CPA4: variants seen among roughly 807,000 people sequenced by gnomAD.
CPA4 encodes the protein carboxypeptidase A4.
A neutral mutation model predicts 54.7 loss-of-function variants in CPA4; 49 were observed. That is an observed-to-expected ratio of 0.90 (90% CI 0.71 to 1.14). CPA4 has a LOEUF of 1.14. Among genes scored for constraint, CPA4 ranks in the 50% most tolerant of loss-of-function variants. The pLI, the probability that CPA4 is intolerant of heterozygous loss-of-function variation, is 0.00. For missense variants in CPA4, 487 were observed against 525.1 expected (o/e 0.93, Z 0.71); for synonymous variants, 215 against 206.8 (o/e 1.04, Z -0.34).
chr7:130,307,062 T>C (rs1335840721), intron 7 of CPA4, among the ~76,000 whole-genome samples, 165 bp downstream of exon 7: 1 of 152,224 alleles, frequency 6.6e-6, no homozygotes, highest in Non-Finnish European at 1.5e-5. Flanking sequence ...GGGATATTTC[T>C]TCTTAGAGAA....
intron 4 of CPA4, among the ~76,000 whole-genome samples, chr7:130,302,878 C>T (rs1027808993): frequency 2.6e-5 from 4 of 152,164 alleles, no homozygotes; most frequent in African/African-American, 9.7e-5. Flanking sequence ...TTGCCTAAGC[C>T]TGTAGCACCC....
Position 130,307,016 on chromosome 7 carries a change from C to T in CPA4, c.702+119C>T. The T allele has an allele frequency of 4.3e-6, 3 of 694,056 alleles. No homozygotes were observed. In the South Asian group the frequency reaches 4.7e-5, roughly 11 times the overall value. 43.0% of individuals were successfully genotyped at this position (694,056 alleles called of 1,614,324 possible). On this transcript the variant is annotated intron_variant, in intron 7 of 10. Transcript: ENST00000222482. ...CACCTTATGAGCTTCCTTGGGATTT[C>T]ATCTTCTAGTCATCCTCAGAGCTGA...
intron 10 of CPA4, among the ~76,000 whole-genome samples, chr7:130,314,550 C>G (rs949570306): frequency 1.3e-5 from 2 of 152,134 alleles, no homozygotes; most frequent in South Asian, 4.2e-4. Context: ...TTCAGCATTC[C>G]GGAGCAAAGG....
intron 8 of CPA4, among the ~76,000 whole-genome samples, chr7:130,309,910 C>T (rs762474078): frequency 3.9e-5 from 6 of 152,082 alleles, no homozygotes; most frequent in South Asian, 2.1e-4. Context: ...GGACTATAGG[C>T]GCATGCCACA....
chr7:130,294,922 A>C (rs1793625607), intron 1 of CPA4, among the ~76,000 whole-genome samples: 1 of 152,110 alleles, frequency 6.6e-6, no homozygotes, highest in Admixed American at 6.5e-5. Context: ...GAAGATGAGG[A>C]TGATGGTTTC....
intron 10 of CPA4, among the ~76,000 whole-genome samples, chr7:130,312,636 C>T (rs761853372): frequency 6.6e-6 from 1 of 152,086 alleles, no homozygotes; most frequent in Non-Finnish European, 1.5e-5. Flanking sequence ...AGTTTTCCAG[C>T]ACAAGCCCTC....
chr7:130,318,707 G>A (rs866539870), intron 10 of CPA4, among the ~76,000 whole-genome samples: 5 of 152,100 alleles, frequency 3.3e-5, no homozygotes, highest in South Asian at 2.1e-4. Flanking sequence ...CACAGCACCC[G>A]GCCAAAATGT....
At chr7:130,300,397 G>T (rs1452115273) in intron 3 of CPA4, among the ~76,000 whole-genome samples, 1 of 145,876 alleles carries the variant, frequency 6.9e-6, no homozygotes, top group Non-Finnish European at 1.5e-5. Context: ...GTATAATGGT[G>T]CAATCTCGGC....
In CPA4 at chr7:130,312,123, G is replaced by A. The variant is rs761780608; in HGVS notation, c.1078+1G>A. 28 of 1,606,008 alleles carry A rather than the reference G, an allele frequency of 1.7e-5. No homozygotes were observed. Among genetic ancestry groups the A allele is most frequent in the Non-Finnish European group, 2.4e-5 (28 of 1,172,712 alleles). On this transcript the variant is annotated splice_donor_variant, in intron 10 of 10. Transcript: ENST00000222482. LOFTEE classifies it high-confidence loss of function. ...GTGGGTCCCACCTGCACCACTGTCT[G>A]TAAGTACTCGCTTATTTATGAGTTA...
At position 130,323,002 on chromosome 7, in the gene CPA4, A is replaced by G. The variant is rs1044349843; in HGVS notation, c.*326A>G. ...TGTCTCTCTCTACCTCATTTTTAGA[A>G]CCAAAGAACATCTGAGATGATTCTC... On this transcript the variant is annotated 3_prime_UTR_variant, in exon 11 of 11. Transcript: ENST00000222482. The G allele has an allele frequency of 4.2e-6, 1 of 238,162 alleles. No individual in the cohort carries two copies. The highest frequency in any genetic ancestry group is 5.1e-5 in the Admixed American group (1 of 19,718). The allele number at this position is 238,162 out of a possible 1,614,324, so 14.8% of individuals were successfully genotyped here.
At chr7:130,315,733 A>C (rs1266666948) in intron 10 of CPA4, among the ~76,000 whole-genome samples, 1 of 152,200 alleles carries the variant, frequency 6.6e-6, no homozygotes, top group African/African-American at 2.4e-5. Flanking sequence ...ATATGGGTAA[A>C]ATTAATTTGC....
chr7:130,293,208 C>G lies in CPA4; in HGVS notation c.28C>G (p.Leu10Val). The G allele has an allele frequency of 6.2e-7, 1 of 1,612,556 alleles. No individual in the cohort carries two copies. The highest frequency in any genetic ancestry group is 8.5e-7 in the Non-Finnish European group (1 of 1,178,660). Residue 10 changes from leucine (L) to valine (V), a missense_variant, in exon 1 of 11, where the codon CTT becomes GTT. Transcript: ENST00000222482. ...GAGGTGGATACTGTTCATTGGGGCCCTTATTGGGTCCAGCATCTGTGGCCA... is the reference window on the plus strand; with the variant it reads ...GAGGTGGATACTGTTCATTGGGGCCGTTATTGGGTCCAGCATCTGTGGCCA... MRWILFIGALIGSSICGQEK... is the reference protein window; with the variant it reads MRWILFIGAVIGSSICGQEK...
intron 1 of CPA4, among the ~76,000 whole-genome samples, chr7:130,295,300 A>G (rs1178965572): frequency 1.3e-5 from 2 of 152,332 alleles, no homozygotes; most frequent in Middle Eastern, 3.4e-3. Context: ...TGACTGTCCA[A>G]AGCACAGACT....
At chr7:130,296,914 G>A (rs1442310902) in intron 1 of CPA4, among the ~76,000 whole-genome samples, 3 of 151,434 alleles carry the variant, frequency 2.0e-5, no homozygotes, top group African/African-American at 7.3e-5. Flanking sequence ...CCCCATCCAG[G>A]AGTAAAGATT....
intron 8 of CPA4, among the ~76,000 whole-genome samples, chr7:130,309,876 C>T (rs1466155545): frequency 2.0e-5 from 3 of 152,140 alleles, no homozygotes; most frequent in Non-Finnish European, 4.4e-5. Context: ...AGCAATCCTC[C>T]CACCTCAGCC....
At chr7:130,297,144 A>G (rs935299664) in intron 1 of CPA4, among the ~76,000 whole-genome samples, 5 of 151,980 alleles carry the variant, frequency 3.3e-5, no homozygotes, top group African/African-American at 1.2e-4. Context: ...TTGTAGAGGC[A>G]AAGTCTCACT....
chr7:130,317,576 A>G (rs1400206840), intron 10 of CPA4, among the ~76,000 whole-genome samples: 1 of 152,078 alleles, frequency 6.6e-6, no homozygotes, highest in Non-Finnish European at 1.5e-5. Context: ...TGATCCTCCC[A>G]CTTCAGCCTC....
chr7:130,315,992 G>T (rs1361060173), intron 10 of CPA4, among the ~76,000 whole-genome samples: 1 of 152,100 alleles, frequency 6.6e-6, no homozygotes, highest in Non-Finnish European at 1.5e-5. Context: ...GGACTAATTT[G>T]GTTCGTATCA....
rs760210310 is a variant in CPA4 at position 130,298,808 on chromosome 7, T to A, written c.131T>A (p.Val44Glu). The stretch of plus-strand genomic sequence containing the variant: ...GAGATCAGCAAATTGAGTCAACTAG[T>A]GAATTCAAACAACTTGAAGGTACCT... ...GDEISKLSQLVNSNNLKLNFW... is the reference protein window; with the variant it reads ...GDEISKLSQLENSNNLKLNFW... The change falls in exon 2 of 11, where the codon GTG becomes GAG. Residue 44 changes from valine (V) to glutamate (E), a missense_variant. Coordinates refer to ENST00000222482, the MANE Select transcript of CPA4 (RefSeq NM_016352.4). 6.2e-7 allele frequency: 1 copy of A among 1,608,672 alleles called. No homozygotes were observed. Among genetic ancestry groups the A allele is most frequent in the Non-Finnish European group, 8.5e-7 (1 of 1,174,938 alleles).
Sources: allele counts gnomAD v4.1 joint callset (sites outside exome capture counted in the v4.1 genomes callset), GRCh38; gene constraint gnomAD v4.1.1; transcripts MANE v1.5; gene names NCBI Gene and HGNC (gene_info 2026-07-23, HGNC 2026-07-21).